The following MYO18B variants were observed in gnomAD, a reference collection of about 807,000 sequenced individuals.
MYO18B encodes unconventional myosin-XVIIIb.
In MYO18B, 204 loss-of-function variants were observed where a neutral mutation model predicts 273.0. The observed-to-expected ratio is 0.75, with a 90% confidence interval of 0.67 to 0.84. The LOEUF (loss-of-function observed/expected upper bound fraction) is 0.84, where lower values mean the gene tolerates loss of function less well. MYO18B is among the 40% of genes least tolerant of loss of function. The probability of loss-of-function intolerance (pLI) is 0.00; values close to 1 mark genes in which losing one functional copy is unlikely to be tolerated. For synonymous variants in MYO18B, 1,330 were observed against 1,305.7 expected (o/e 1.02, Z -0.40); for missense variants, 3,212 against 3,287.6 (o/e 0.98, Z 0.56).
Position 25,772,445 on chromosome 22 carries a change from A to G in MYO18B, c.1804A>G (p.Thr602Ala). ...GCGCTACAAAGCTCAGCTGCTGCAC[A>G]CCTGCACAGGGCCTGATCTGATTGT... ...LQRYKAQLLH[T>A]CTGPDLIVLQ... Residue 602 changes from threonine (T) to alanine (A), a missense_variant, in exon 7 of 44, where the codon ACC becomes GCC. Thr to Ala is a moderately conservative substitution (Grantham distance 58). Coordinates refer to ENST00000335473, the MANE Select transcript of MYO18B (RefSeq NM_032608.7). 6.2e-7 allele frequency: 1 copy of G among 1,613,922 alleles called. No individual in the cohort carries two copies. The highest frequency in any genetic ancestry group is 8.5e-7 in the Non-Finnish European group (1 of 1,179,870).
At chr22:25,774,826 G>A (rs960618831) in intron 7 of MYO18B, among the ~76,000 whole-genome samples, 3 of 152,198 alleles carry the variant, frequency 2.0e-5, no homozygotes, top group Non-Finnish European at 2.9e-5. Context: ...TGTGCCTGGG[G>A]ACATGGAGGT....
intron 33 of MYO18B, among the ~76,000 whole-genome samples, chr22:25,918,135 A>G (rs1210042853): frequency 6.6e-6 from 1 of 152,282 alleles, no homozygotes; most frequent in African/African-American, 2.4e-5. Flanking sequence ...TTTGTGCACC[A>G]TCTTTTTTTC....
chr22:25,824,057 G>T (rs1368229265), intron 13 of MYO18B, among the ~76,000 whole-genome samples: 1 of 152,202 alleles, frequency 6.6e-6, no homozygotes, highest in African/African-American at 2.4e-5. Context: ...GCTGCTGCGA[G>T]GTGGAGGGAT....
intron 10 of MYO18B, among the ~76,000 whole-genome samples, chr22:25,784,011 T>G (rs1023120442): frequency 6.6e-6 from 1 of 152,252 alleles, no homozygotes; most frequent in East Asian, 1.9e-4. Flanking sequence ...CTTTCTCCCA[T>G]GCACTCATGT....
chr22:25,865,217 T>A (rs1252193266), intron 21 of MYO18B, among the ~76,000 whole-genome samples: 2 of 152,080 alleles, frequency 1.3e-5, no homozygotes, highest in Non-Finnish European at 2.9e-5. Flanking sequence ...GGGAAGAGGG[T>A]CAGTTGTATA....
intron 40 of MYO18B, among the ~76,000 whole-genome samples, chr22:26,000,834 G>T (rs1443713825): frequency 6.6e-6 from 1 of 152,168 alleles, no homozygotes; most frequent in African/African-American, 2.4e-5. Flanking sequence ...TGAACAAACA[G>T]ACCAGCTGGT....
chr22:25,927,673 C>A (rs1035012689), intron 34 of MYO18B, among the ~76,000 whole-genome samples: 1 of 152,140 alleles, frequency 6.6e-6, no homozygotes, highest in Non-Finnish European at 1.5e-5. Context: ...CGTACTCCCT[C>A]CCCTTTTGAA....
At chr22:25,860,184 A>G (rs140168933) in intron 21 of MYO18B, among the ~76,000 whole-genome samples, 72 of 152,322 alleles carry the variant, frequency 4.7e-4, no homozygotes, top group Middle Eastern at 6.8e-3. Context: ...AATTCATTCT[A>G]TTGGTCTGAC....
chr22:25,799,064 C>T (rs1022435445), intron 12 of MYO18B, among the ~76,000 whole-genome samples: 4 of 151,914 alleles, frequency 2.6e-5, no homozygotes, highest in African/African-American at 9.7e-5. Flanking sequence ...CAGAGATAGT[C>T]TCTGTGACAT....
chr22:25,924,199 T>C (rs2092388716), intron 34 of MYO18B, among the ~76,000 whole-genome samples: 1 of 152,236 alleles, frequency 6.6e-6, no homozygotes, highest in Non-Finnish European at 1.5e-5. Flanking sequence ...ACATTGGGCA[T>C]TGCTGCATCT....
At chr22:25,775,942 T>G (rs543377507) in intron 7 of MYO18B, among the ~76,000 whole-genome samples, 1 of 152,272 alleles carries the variant, frequency 6.6e-6, no homozygotes, top group South Asian at 2.1e-4. Context: ...AGTGTACAGT[T>G]CTGAGCATTT....
intron 34 of MYO18B, among the ~76,000 whole-genome samples, chr22:25,930,495 C>A (rs2092483012): frequency 6.6e-6 from 1 of 150,422 alleles, no homozygotes; most frequent in Non-Finnish European, 1.5e-5. Context: ...TGTCTCGGGG[C>A]TATTACATCC....
intron 12 of MYO18B, among the ~76,000 whole-genome samples, chr22:25,805,954 C>G (rs1419736230): frequency 2.0e-5 from 3 of 152,156 alleles, no homozygotes; most frequent in African/African-American, 7.2e-5. Flanking sequence ...TCCCTGGCCA[C>G]CTTTATTTAT....
chr22:25,866,660 G>T (rs776607453), intron 21 of MYO18B, among the ~76,000 whole-genome samples: 14 of 152,006 alleles, frequency 9.2e-5, no homozygotes, highest in Non-Finnish European at 1.6e-4. Context: ...CTAACATGGT[G>T]AAACCTCGTC....
intron 1 of MYO18B, among the ~76,000 whole-genome samples, chr22:25,743,970 A>C (rs1012723645): frequency 1.6e-4 from 25 of 152,270 alleles, no homozygotes; most frequent in African/African-American, 5.5e-4. Flanking sequence ...CCTTTTGAAC[A>C]GTCTTGGGGG....
At chr22:25,751,668 A>C (rs2085933878) in intron 1 of MYO18B, among the ~76,000 whole-genome samples, 1 of 152,186 alleles carries the variant, frequency 6.6e-6, no homozygotes, top group African/African-American at 2.4e-5. Context: ...GAGTGATGCC[A>C]ACCATGTGGT....
chr22:25,874,426 C>T lies in MYO18B; in HGVS notation c.4080+12C>T, dbSNP rs377742386. ...TCAAGAAGCTGAAGGTACTGCATGC[C>T]GTTCCCATGAGGAGTCTGATCCAAC... is the stretch of plus-strand genomic sequence containing the variant. On this transcript the variant is annotated intron_variant, in intron 23 of 43. Transcript: ENST00000335473. 54 of 1,610,120 alleles carry T rather than the reference C, an allele frequency of 3.4e-5. No individual in the cohort carries two copies. The highest frequency in any genetic ancestry group is 6.7e-5 in the East Asian group (3 of 44,774).
chr22:25,923,732 T>G (rs1223426065), intron 34 of MYO18B, among the ~76,000 whole-genome samples: 1 of 152,178 alleles, frequency 6.6e-6, no homozygotes, highest in Non-Finnish European at 1.5e-5. Flanking sequence ...CATTTTGAGT[T>G]GAGCAACTCC....
chr22:26,045,327 C>G, the MYO18B span, among the ~76,000 whole-genome samples: 1 of 152,060 alleles, frequency 6.6e-6, no homozygotes, highest in East Asian at 1.9e-4. Context: ...CTGGGTCATC[C>G]GAGAAACAGA....
Sources: allele counts gnomAD v4.1 joint callset (sites outside exome capture counted in the v4.1 genomes callset), GRCh38; gene constraint gnomAD v4.1.1; transcripts MANE v1.5; gene names NCBI Gene and HGNC (gene_info 2026-07-23, HGNC 2026-07-21).